Variants in ARHGAP42 observed in about 807,000 individuals in gnomAD.
The protein encoded by ARHGAP42 is Rho GTPase activating protein 42, also known as rho GTPase-activating protein 42.
In ARHGAP42, 63 loss-of-function variants were observed where a neutral mutation model predicts 125.0. That is an observed-to-expected ratio of 0.50 (90% CI 0.41 to 0.62). The LOEUF (loss-of-function observed/expected upper bound fraction) is 0.62, where lower values mean the gene tolerates loss of function less well. Ranked by LOEUF, ARHGAP42 falls within the 20% of genes least tolerant of loss-of-function variation. The pLI is 0.00. For missense variants in ARHGAP42, 766 were observed against 1,024.2 expected, an observed-to-expected ratio of 0.75 and a Z score of 3.44; for synonymous variants, 339 against 351.0, an observed-to-expected ratio of 0.97 and a Z score of 0.38.
chr11:100,803,267 T>C (rs1208393188), intron 3 of ARHGAP42, among the ~76,000 whole-genome samples: 1 of 151,926 alleles, frequency 6.6e-6, no homozygotes, highest in African/African-American at 2.4e-5. Context: ...TAAGTAGGCT[T>C]GTTTGGGGAG....
At position 100,749,912 on chromosome 11, in the gene ARHGAP42, G is replaced by A. The variant is rs115553745; in HGVS notation, c.155-20431G>A. On this transcript the variant is annotated intron_variant, in intron 1 of 23. Transcript: ENST00000298815. ...TATTTGGTCTGTGCACAGAGTTGTC[G>A]CCATAGTATGTGAGGATCCTTTAAG... Among the ~76,000 whole-genome samples, 546 of 152,270 alleles carry A rather than the reference G, an allele frequency of 3.6e-3. 5 individuals carry two copies. Among genetic ancestry groups the A allele is most frequent in the African/African-American group, 0.013 (523 of 41,546 alleles).
chr11:100,903,117 GCA>G lies in ARHGAP42; in HGVS notation c.385-10297_385-10296del, dbSNP rs1555021069. Among the ~76,000 whole-genome samples, 655 of 132,026 alleles carry G rather than the reference GCA, an allele frequency of 5.0e-3. 6 individuals carry two copies. Among genetic ancestry groups the G allele is most frequent in the South Asian group, 0.023 (84 of 3,722 alleles). 86.6% of individuals were successfully genotyped at this position (132,026 alleles called of 152,430 possible). A position where few individuals can be genotyped will look rare whatever the true frequency, so the allele number is the denominator to read the frequency against. ...TCCTCAATCTTGCTGTCCAAGATGC[GCA>G]CACACACACACACACACACACACAC... is the stretch of plus-strand genomic sequence containing the variant. On this transcript the variant is annotated intron_variant, in intron 4 of 23. Coordinates refer to ENST00000298815, the MANE Select transcript of ARHGAP42 (RefSeq NM_152432.4).
At chr11:100,945,266 CT>C (rs1177799758) in intron 10 of ARHGAP42, among the ~76,000 whole-genome samples, 1 of 152,050 alleles carries the variant, frequency 6.6e-6, no homozygotes, top group African/African-American at 2.4e-5. Context: ...GCTATTTTCA[CT>C]ACATCTGCAG....
chr11:100,728,123 G>T (rs551475764), intron 1 of ARHGAP42, among the ~76,000 whole-genome samples: 1 of 152,284 alleles, frequency 6.6e-6, no homozygotes, highest in South Asian at 2.1e-4. Flanking sequence ...AACACAGTTG[G>T]TTTTTCCTAT....
At chr11:100,830,795 G>A (rs1462288273) in intron 3 of ARHGAP42, among the ~76,000 whole-genome samples, 1 of 152,100 alleles carries the variant, frequency 6.6e-6, no homozygotes. Context: ...TGGAGTACAG[G>A]TGAACAATTT....
intron 4 of ARHGAP42, among the ~76,000 whole-genome samples, chr11:100,860,338 G>A (rs1051372996): frequency 6.6e-5 from 10 of 151,844 alleles, no homozygotes; most frequent in South Asian, 4.2e-4. Flanking sequence ...TCCTCTTTAC[G>A]TCTGTCTGAA....
intron 3 of ARHGAP42, among the ~76,000 whole-genome samples, chr11:100,844,742 G>A (rs1426175492): frequency 4.8e-5 from 7 of 145,108 alleles, no homozygotes; most frequent in Admixed American, 6.7e-5. Flanking sequence ...ACCACAGTAC[G>A]ATATCACCTT....
chr11:100,830,380 G>A (rs1231081804), intron 3 of ARHGAP42, among the ~76,000 whole-genome samples: 1 of 152,156 alleles, frequency 6.6e-6, no homozygotes, highest in Non-Finnish European at 1.5e-5. Flanking sequence ...GAGTGGTTTG[G>A]TGGCTGCTGT....
intron 1 of ARHGAP42, among the ~76,000 whole-genome samples, chr11:100,696,598 A>C (rs763682231): frequency 1.4e-4 from 21 of 151,696 alleles, no homozygotes; most frequent in African/African-American, 5.1e-4. Flanking sequence ...CATATGATCC[A>C]CCCGCCTCAG....
At chr11:100,758,702 G>A (rs548181191) in intron 1 of ARHGAP42, among the ~76,000 whole-genome samples, 61 of 152,226 alleles carry the variant, frequency 4.0e-4, no homozygotes, top group Non-Finnish European at 7.6e-4. Flanking sequence ...CTCTTACTAT[G>A]TGCTGTGATG....
At chr11:100,906,368 T>G (rs1866737234) in intron 4 of ARHGAP42, among the ~76,000 whole-genome samples, 1 of 152,248 alleles carries the variant, frequency 6.6e-6, no homozygotes, top group African/African-American at 2.4e-5. Context: ...ATTTGAAGGC[T>G]ATGGATTTTG....
At chr11:100,860,382 C>A (rs1047104078) in intron 4 of ARHGAP42, among the ~76,000 whole-genome samples, 2 of 152,028 alleles carry the variant, frequency 1.3e-5, no homozygotes, top group African/African-American at 4.8e-5. Context: ...GATCTCCACA[C>A]CCTCCTTCTA....
Position 100,975,767 on chromosome 11 carries a change from C to A in ARHGAP42, c.1856-290C>A, listed in dbSNP as rs534685770. 3.3e-5 allele frequency among the ~76,000 whole-genome samples: 5 copies of A among 152,258 alleles called. No individual in the cohort carries two copies. In the East Asian group the frequency reaches 9.7e-4, roughly 29 times the overall value. ...AATTTTGTGGGAATTCAAGTCAACC[C>A]ACTTATGCTTCAAGAAGTAAAGTTA... On this transcript the variant is annotated intron_variant, in intron 19 of 23. Transcript: ENST00000298815.
At chr11:100,717,259 C>T (rs1357431885) in intron 1 of ARHGAP42, among the ~76,000 whole-genome samples, 1 of 152,092 alleles carries the variant, frequency 6.6e-6, no homozygotes, top group Admixed American at 6.6e-5. Flanking sequence ...CAGTGGTTTT[C>T]AAACAGTGGT....
intron 3 of ARHGAP42, among the ~76,000 whole-genome samples, chr11:100,837,678 T>TA (rs1565235527): frequency 1.4e-5 from 2 of 139,088 alleles, no homozygotes; most frequent in African/African-American, 2.7e-5. Flanking sequence ...TTTTTTTTTT[T>TA]TTTTTTTTTT....
chr11:100,775,697 A>G (rs1047931652), intron 2 of ARHGAP42, among the ~76,000 whole-genome samples: 7 of 152,216 alleles, frequency 4.6e-5, no homozygotes, highest in African/African-American at 1.7e-4. Context: ...ACATTAGTGT[A>G]TAGGATAATA....
chr11:100,841,895 T>C (rs1304812307), intron 3 of ARHGAP42, among the ~76,000 whole-genome samples: 3 of 152,206 alleles, frequency 2.0e-5, no homozygotes, highest in East Asian at 1.9e-4. Context: ...TTTGTTTTCT[T>C]TGTGGCTCCT....
intron 3 of ARHGAP42, among the ~76,000 whole-genome samples, chr11:100,812,519 A>G (rs1864170897): frequency 6.6e-6 from 1 of 152,206 alleles, no homozygotes; most frequent in East Asian, 1.9e-4. Flanking sequence ...GAGATAAACT[A>G]GGATAGGTAG....
chr11:100,751,760 A>G (rs995458181), intron 1 of ARHGAP42, among the ~76,000 whole-genome samples: 27 of 140,016 alleles, frequency 1.9e-4, no homozygotes, highest in African/African-American at 6.6e-4. Flanking sequence ...GGTTATTCAG[A>G]TCAGACAGGC....
Sources: gnomAD v4.1 joint callset for allele counts (sites outside exome capture counted in the v4.1 genomes callset) on GRCh38, gnomAD v4.1.1 for gene constraint, MANE v1.5 for transcripts, NCBI Gene and HGNC (gene_info 2026-07-23, HGNC 2026-07-21) for gene names.